The following SMYD3 variants were observed in gnomAD, a reference collection of about 807,000 sequenced individuals.
SMYD3 encodes the protein histone-lysine N-methyltransferase SMYD3.
In SMYD3, 36 loss-of-function variants were observed where a neutral mutation model predicts 57.7. That is an observed-to-expected ratio of 0.62 (90% CI 0.48 to 0.82). The LOEUF (loss-of-function observed/expected upper bound fraction) is 0.82, where lower values mean the gene tolerates loss of function less well. Among genes scored for constraint, SMYD3 ranks in the 40% least tolerant of loss-of-function variants. The pLI is 0.00. For missense variants in SMYD3, 515 were observed against 538.8 expected, an observed-to-expected ratio of 0.96 and a Z score of 0.44; for synonymous variants, 211 against 195.0, an observed-to-expected ratio of 1.08 and a Z score of -0.68.
At chr1:245,938,355 G>A (rs2057068397) in intron 5 of SMYD3, among the ~76,000 whole-genome samples, 1 of 152,202 alleles carries the variant, frequency 6.6e-6, no homozygotes, top group African/African-American at 2.4e-5. Flanking sequence ...TCCTTCTTTG[G>A]TTGCCCAAGC....
At chr1:245,804,436 T>C (rs1245335391) in intron 10 of SMYD3, among the ~76,000 whole-genome samples, 1 of 152,046 alleles carries the variant, frequency 6.6e-6, no homozygotes, top group Non-Finnish European at 1.5e-5. Flanking sequence ...CGGGCGCCTG[T>C]AGTCCCAGCT....
At chr1:245,830,120 C>T (rs942654207) in intron 10 of SMYD3, among the ~76,000 whole-genome samples, 3 of 152,136 alleles carry the variant, frequency 2.0e-5, no homozygotes, top group African/African-American at 7.2e-5. Flanking sequence ...ATATGAATTA[C>T]ATGTCAAAAA....
chr1:246,345,637 T>C (rs1272872732), intron 2 of SMYD3, among the ~76,000 whole-genome samples: 3 of 152,224 alleles, frequency 2.0e-5, no homozygotes, highest in African/African-American at 7.2e-5. Flanking sequence ...GCTCAACTTG[T>C]ATTATGATGT....
intron 5 of SMYD3, among the ~76,000 whole-genome samples, chr1:246,006,576 A>AT (rs2059173994): frequency 6.9e-6 from 1 of 144,944 alleles, no homozygotes; most frequent in Admixed American, 7.0e-5. Flanking sequence ...TTCTCAGAAG[A>AT]TTTTTTAAAA....
At chr1:246,038,270 A>G (rs1157407652) in intron 5 of SMYD3, among the ~76,000 whole-genome samples, 1 of 152,140 alleles carries the variant, frequency 6.6e-6, no homozygotes, top group Non-Finnish European at 1.5e-5. Context: ...TTTATGTCAG[A>G]GGGAAAGCAA....
chr1:246,230,592 T>C (rs902006249), intron 5 of SMYD3, among the ~76,000 whole-genome samples: 7 of 152,170 alleles, frequency 4.6e-5, no homozygotes, highest in African/African-American at 1.4e-4. Flanking sequence ...TCCAAGTAAC[T>C]AGGACTACAG....
chr1:245,795,052 G>A, intron 10 of SMYD3, among the ~76,000 whole-genome samples: 1 of 152,094 alleles, frequency 6.6e-6, no homozygotes, highest in East Asian at 1.9e-4. Context: ...GTTCATTTCA[G>A]TGGCAGGTTC....
In SMYD3 at chr1:246,447,929, A is replaced by G. The variant is rs377113148; in HGVS notation, c.164+59125T>C. ...TCCCCAGATTCAACATTTGTTAACA[A>G]CTTTCCACGTCTGCTTCCTCTCTAC... is the stretch of plus-strand genomic sequence containing the variant. On this transcript the variant is annotated intron_variant, in intron 1 of 11. Transcript: ENST00000490107. Among the ~76,000 whole-genome samples, 8 of 152,304 alleles carry G rather than the reference A, an allele frequency of 5.3e-5. No individual in the cohort carries two copies. In the South Asian group the frequency reaches 1.7e-3, roughly 32 times the overall value.
intron 1 of SMYD3, among the ~76,000 whole-genome samples, chr1:246,501,429 C>T (rs1227943522): frequency 6.6e-6 from 1 of 152,224 alleles, no homozygotes; most frequent in African/African-American, 2.4e-5. Context: ...TTACTCCCTA[C>T]CTTGGCCACA....
chr1:246,037,222 T>G (rs2059792102), intron 5 of SMYD3, among the ~76,000 whole-genome samples: 1 of 152,222 alleles, frequency 6.6e-6, no homozygotes, highest in Non-Finnish European at 1.5e-5. Context: ...AGATATTACC[T>G]TCATATATAC....
chr1:246,093,816 T>C (rs6666239), intron 5 of SMYD3, among the ~76,000 whole-genome samples: 111,923 of 151,886 alleles, frequency 0.74, 41,823 homozygotes, highest in Admixed American at 0.82. Context: ...TTTAAAATGG[T>C]AACAAAGGGT....
intron 5 of SMYD3, among the ~76,000 whole-genome samples, chr1:246,158,898 C>T (rs1161716930): frequency 6.6e-6 from 1 of 152,144 alleles, no homozygotes; most frequent in Non-Finnish European, 1.5e-5. Flanking sequence ...ACAAGATACA[C>T]CAGGTCCTTA....
Position 245,792,643 on chromosome 1 carries a change from A to C in SMYD3, c.1077-28494T>G, listed in dbSNP as rs1572346854. Among the ~76,000 whole-genome samples the C allele has an allele frequency of 2.0e-5, 3 of 152,340 alleles. No individual in the cohort carries two copies. In the South Asian group the frequency reaches 6.2e-4, roughly 32 times the overall value. On this transcript the variant is annotated intron_variant, in intron 10 of 11. Transcript: ENST00000490107. Reference sequence around the variant, plus strand: ...ATAATGGGGAACATAGTCCATCAACATATCTGTAAGCTAGGACTTCATTAA... The same window carrying C: ...ATAATGGGGAACATAGTCCATCAACCTATCTGTAAGCTAGGACTTCATTAA...
intron 5 of SMYD3, among the ~76,000 whole-genome samples, chr1:246,161,462 A>G (rs2062118861): frequency 6.6e-6 from 1 of 152,190 alleles, no homozygotes; most frequent in Admixed American, 6.5e-5. Context: ...AAAGCAATTC[A>G]GGCCTCGTTT....
At position 246,212,233 on chromosome 1, in the gene SMYD3, T is replaced by C. The variant is rs184533727; in HGVS notation, c.531+114968A>G. On this transcript the variant is annotated intron_variant, in intron 5 of 11. Coordinates refer to ENST00000490107, the MANE Select transcript of SMYD3 (RefSeq NM_001167740.2). ...AATGCTGACACAGTAATTGTATATC[T>C]AGTCAATTATTTCAAGGAAATAAAG... Among the ~76,000 whole-genome samples, 111 of 152,214 alleles carry C rather than the reference T, an allele frequency of 7.3e-4. 1 individual carries two copies. In the East Asian group the frequency reaches 0.019, roughly 26 times the overall value.
At chr1:245,778,789 C>CA (rs1000850770) in intron 10 of SMYD3, among the ~76,000 whole-genome samples, 80 of 150,052 alleles carry the variant, frequency 5.3e-4, no homozygotes, top group African/African-American at 1.9e-3. Context: ...AATATGACAC[C>CA]AAAAATATGA....
rs999114083 is a variant in SMYD3 at position 246,262,468 on chromosome 1, T to C, written c.531+64733A>G. 3.9e-5 allele frequency among the ~76,000 whole-genome samples: 6 copies of C among 152,324 alleles called. No individual in the cohort carries two copies. In the East Asian group the frequency reaches 9.6e-4, roughly 24 times the overall value. On this transcript the variant is annotated intron_variant, in intron 5 of 11. Transcript: ENST00000490107. ...AATCTTGACAACAATCCTTCTGAGG[T>C]AGGTTTTATTACCCTTCATTTCAGA...
intron 5 of SMYD3, among the ~76,000 whole-genome samples, chr1:246,230,468 G>C (rs923790026): frequency 1.3e-5 from 2 of 152,166 alleles, no homozygotes; most frequent in Non-Finnish European, 1.5e-5. Context: ...AGTTAGGCTA[G>C]AATGCTGTCC....
At chr1:246,504,057 C>T (rs762773429) in intron 1 of SMYD3, among the ~76,000 whole-genome samples, 1 of 151,394 alleles carries the variant, frequency 6.6e-6, no homozygotes, top group Non-Finnish European at 1.5e-5. Context: ...AGGCACAACA[C>T]GGAAAAACCA....
Sources: allele counts gnomAD v4.1 joint callset (sites outside exome capture counted in the v4.1 genomes callset), GRCh38; gene constraint gnomAD v4.1.1; transcripts MANE v1.5; gene names NCBI Gene and HGNC (gene_info 2026-07-23, HGNC 2026-07-21).